GABRG3: variants seen among roughly 807,000 people sequenced by gnomAD.
The protein encoded by GABRG3 is gamma-aminobutyric acid type A receptor subunit gamma3, also known as gamma-aminobutyric acid receptor subunit gamma-3.
GABRG3 carries 25 observed loss-of-function variants against 48.8 expected under a neutral mutation model. The ratio of observed to expected loss-of-function variants is 0.51; its 90% confidence interval spans 0.37 to 0.72. GABRG3 has a LOEUF of 0.72. GABRG3 is among the 30% of genes least tolerant of loss of function. The probability of loss-of-function intolerance (pLI) is 0.00; values close to 1 mark genes in which losing one functional copy is unlikely to be tolerated. For missense variants in GABRG3, 394 were observed against 577.9 expected (o/e 0.68, Z 3.26); for synonymous variants, 227 against 217.6 (o/e 1.04, Z -0.38).
At chr15:27,306,917 A>AATATAAACATGTTTATATATAAACAT (rs1566769356) in intron 3 of GABRG3, among the ~76,000 whole-genome samples, 4 of 119,836 alleles carry the variant, frequency 3.3e-5, no homozygotes, top group African/African-American at 9.9e-5. Context: ...ATAAACATAC[A>AATATAAACATGTTTATATATAAACAT]ATATAAACAT....
chr15:26,973,634 G>A (rs115652083), intron 1 of GABRG3, among the ~76,000 whole-genome samples: 2,802 of 152,274 alleles, frequency 0.018, 97 homozygotes, highest in African/African-American at 0.065. Context: ...CCAGAAGGGG[G>A]GACTCCCCAT....
chr15:27,278,624 T>C (rs962257505), intron 3 of GABRG3, among the ~76,000 whole-genome samples: 1 of 152,178 alleles, frequency 6.6e-6, no homozygotes, highest in African/African-American at 2.4e-5. Flanking sequence ...TGTGTATCAA[T>C]AGTTTGTTCC....
chr15:27,089,897 A>G (rs1267707695), intron 3 of GABRG3, among the ~76,000 whole-genome samples: 1 of 152,202 alleles, frequency 6.6e-6, no homozygotes, highest in Non-Finnish European at 1.5e-5. Context: ...TTCATGGCTT[A>G]ATAATATTCC....
intron 2 of GABRG3, among the ~76,000 whole-genome samples, chr15:26,985,327 G>A (rs1158939152): frequency 6.6e-6 from 1 of 152,310 alleles, no homozygotes; most frequent in East Asian, 1.9e-4. Flanking sequence ...TGGGCAGCGC[G>A]AGAGGAATCC....
At chr15:27,529,513 G>A (rs1278116880) in intron 9 of GABRG3, among the ~76,000 whole-genome samples, 1 of 152,164 alleles carries the variant, frequency 6.6e-6, no homozygotes, top group Non-Finnish European at 1.5e-5. Flanking sequence ...AGTGCCAGGT[G>A]GTTTGCTACT....
At chr15:27,419,119 A>G (rs1399947607) in intron 5 of GABRG3, 1 of 152,266 alleles carries the variant, frequency 6.6e-6, no homozygotes, top group African/African-American at 2.4e-5. Context: ...ATAGGTCTTC[A>G]TCCTTGGAAA....
At chr15:27,360,085 T>A (rs1436478574) in intron 5 of GABRG3, among the ~76,000 whole-genome samples, 1 of 151,530 alleles carries the variant, frequency 6.6e-6, no homozygotes, top group Admixed American at 6.6e-5. Context: ...GGGTCAGGAG[T>A]GCTGCAGGAA....
intron 5 of GABRG3, among the ~76,000 whole-genome samples, chr15:27,355,420 C>T (rs1894802777): frequency 6.6e-6 from 1 of 152,240 alleles, no homozygotes; most frequent in South Asian, 2.1e-4. Flanking sequence ...AAATCAAACC[C>T]ACATGAGATG....
chr15:27,007,565 C>T (rs2140663717), intron 2 of GABRG3, among the ~76,000 whole-genome samples: 1 of 152,314 alleles, frequency 6.6e-6, no homozygotes, highest in African/African-American at 2.4e-5. Flanking sequence ...TCTCTACAAC[C>T]TCACCAGCAT....
chr15:27,373,748 T>G (rs2140558087), intron 5 of GABRG3, among the ~76,000 whole-genome samples: 1 of 152,312 alleles, frequency 6.6e-6, no homozygotes, highest in South Asian at 2.1e-4. Flanking sequence ...GAAAGTAAGT[T>G]TTCTCTCCGG....
chr15:27,167,978 G>A (rs1887435461), intron 3 of GABRG3, among the ~76,000 whole-genome samples: 1 of 152,176 alleles, frequency 6.6e-6, no homozygotes, highest in African/African-American at 2.4e-5. Context: ...TAGGCGAGCA[G>A]AAGTGATGGA....
Position 27,124,075 on chromosome 15 carries a change from G to A in GABRG3, c.270+97254G>A, listed in dbSNP as rs763413399. Among the ~76,000 whole-genome samples the A allele has an allele frequency of 1.7e-3, 255 of 152,296 alleles. 3 individuals are homozygous for A. The highest frequency in any genetic ancestry group is 5.8e-4 in the East Asian group (3 of 5,174). ...GGGGTGTTTGGAGGGCAGCGGTGAG[G>A]AGGTCAACCCTCAGCAGTTTAACTC... On this transcript the variant is annotated intron_variant, in intron 3 of 9. Transcript: ENST00000615808.
chr15:27,326,661 T>A, intron 3 of GABRG3, 148 bp from the exon 4 acceptor site: 1 of 641,352 alleles, frequency 1.6e-6, no homozygotes, highest in Admixed American at 2.7e-5. Context: ...CACTGAGTGC[T>A]TGCCATGTTG....
At chr15:27,514,459 C>G (rs185473636) in intron 6 of GABRG3, among the ~76,000 whole-genome samples, 15 of 152,296 alleles carry the variant, frequency 9.8e-5, no homozygotes, top group Admixed American at 3.9e-4. Context: ...AGAGGACAGT[C>G]TCTCTCTTCA....
intron 3 of GABRG3, among the ~76,000 whole-genome samples, chr15:27,166,777 G>A (rs911440470): frequency 6.6e-6 from 1 of 152,152 alleles, no homozygotes; most frequent in African/African-American, 2.4e-5. Flanking sequence ...ACCCAGTGCA[G>A]CAAAGAAATC....
At chr15:27,280,757 ATG>A (rs1891406948) in intron 3 of GABRG3, among the ~76,000 whole-genome samples, 1 of 152,182 alleles carries the variant, frequency 6.6e-6, no homozygotes, top group Non-Finnish European at 1.5e-5. Flanking sequence ...GATACGGTTT[ATG>A]TGGGTAAATG....
intron 3 of GABRG3, among the ~76,000 whole-genome samples, chr15:27,261,800 T>A (rs17739816): frequency 0.66 from 100,254 of 151,792 alleles, 33,763 homozygotes; most frequent in Non-Finnish European, 0.69. Context: ...AAAGGATGCT[T>A]TTACATTGTT....
intron 3 of GABRG3, among the ~76,000 whole-genome samples, chr15:27,240,055 G>A (rs1890088191): frequency 6.6e-6 from 1 of 152,170 alleles, no homozygotes; most frequent in African/African-American, 2.4e-5. Context: ...ATTAATTAGT[G>A]TCATCAATTA....
At chr15:27,499,368 T>C (rs1012773706) in intron 6 of GABRG3, among the ~76,000 whole-genome samples, 1 of 152,170 alleles carries the variant, frequency 6.6e-6, no homozygotes, top group African/African-American at 2.4e-5. Flanking sequence ...AGATCTCCCA[T>C]TATTGAAACA....
Sources: allele counts gnomAD v4.1 joint callset (sites outside exome capture counted in the v4.1 genomes callset), GRCh38; gene constraint gnomAD v4.1.1; transcripts MANE v1.5; gene names NCBI Gene and HGNC (gene_info 2026-07-23, HGNC 2026-07-21).